CNTN6: variants seen among roughly 807,000 people sequenced by gnomAD.
The protein encoded by CNTN6 is contactin-6.
In CNTN6, 137 loss-of-function variants were observed where a neutral mutation model predicts 122.8. The observed-to-expected ratio is 1.12, with a 90% CI of 0.97 to 1.29. CNTN6 has a LOEUF of 1.29. Ranked by LOEUF, CNTN6 falls within the 50% of genes most tolerant of loss-of-function variation. The pLI, the probability that CNTN6 is intolerant of heterozygous loss-of-function variation, is 0.00. For synonymous variants in CNTN6, 570 were observed against 426.0 expected (o/e 1.34, Z -4.16); for missense variants, 1,634 against 1,223.4 (o/e 1.34, Z -5.01).
chr3:1,403,628 G>A lies in CNTN6; in HGVS notation c.*210G>A. On this transcript the variant is annotated 3_prime_UTR_variant, in exon 23 of 23. Coordinates refer to ENST00000446702, the MANE Select transcript of CNTN6 (RefSeq NM_001289080.2). ...TTTTAAAATCCGCACATGATTACAT[G>A]AATTCCTAGGTGCCACATTAACCTG... 1 of 343,534 alleles carries A rather than the reference G, an allele frequency of 2.9e-6. No individual in the cohort carries two copies. The highest frequency in any genetic ancestry group is 7.4e-5 in the South Asian group (1 of 13,568). The allele number at this position is 343,534 out of a possible 1,614,324, so 21.3% of individuals were successfully genotyped here.
chr3:1,377,034 G>T lies in CNTN6; in HGVS notation c.2125G>T (p.Gly709Ter). 1 of 1,606,700 alleles carries T rather than the reference G, an allele frequency of 6.2e-7. No individual in the cohort carries two copies. Among genetic ancestry groups the T allele is most frequent in the Non-Finnish European group, 8.5e-7 (1 of 1,176,116 alleles). Residue 709 changes from glycine (G) to a stop codon, truncating the protein, a stop_gained, in exon 17 of 23, where the codon GGA becomes TGA. Transcript: ENST00000446702. LOFTEE classifies it high-confidence loss of function. ...TGTTGTGGCACCAGTAAACATCCAT[G>T]GAGGTGGAGGAAGTCGGTCTGAACT... ...VPVVAPVNIH[G>*]GGGSRSELVI...
At chr3:1,238,378 A>G (rs1017474091) in intron 4 of CNTN6, among the ~76,000 whole-genome samples, 3 of 152,206 alleles carry the variant, frequency 2.0e-5, no homozygotes, top group Admixed American at 6.5e-5. Context: ...GATTAGTCCA[A>G]CAGGAAAATA....
Position 1,272,499 on chromosome 3 carries a change from T to C in CNTN6, c.359-5914T>C, listed in dbSNP as rs534295898. ...AAGAACAAAGAAAAAATTTAAAACA[T>C]TGCAATGAAATAATTCATACATAGT... On this transcript the variant is annotated intron_variant, in intron 4 of 22. Coordinates refer to ENST00000446702, the MANE Select transcript of CNTN6 (RefSeq NM_001289080.2). Among the ~76,000 whole-genome samples, 16 of 152,136 alleles carry C rather than the reference T, an allele frequency of 1.1e-4. No homozygotes were observed. The South Asian group carries it at 3.1e-3, about 30-fold the overall frequency.
chr3:1,127,549 A>C (rs1279589697), intron 1 of CNTN6, among the ~76,000 whole-genome samples: 1 of 151,952 alleles, frequency 6.6e-6, no homozygotes, highest in African/African-American at 2.4e-5. Flanking sequence ...GCCGTAAATG[A>C]TAACACTAGC....
Position 1,403,355 on chromosome 3 carries a change from CA to C in CNTN6, c.3025del (p.Thr1009ProfsTer9), listed in dbSNP as rs767687296. On this transcript the variant is annotated frameshift_variant, in exon 23 of 23. Coordinates refer to ENST00000446702, the MANE Select transcript of CNTN6 (RefSeq NM_001289080.2). LOFTEE classifies it high-confidence loss of function. ...GAGGAATTCAATTCTTAGAACCTAG[CA>C]CCCATTTTCTTTCCATTGTCATTGT... ...SRGIQFLEPS[T>X]HFLSIVIVIF... is the part of the protein sequence containing the mutation. The C allele has an allele frequency of 3.7e-6, 6 of 1,611,084 alleles. No homozygotes were observed. The highest frequency in any genetic ancestry group is 5.1e-6 in the Non-Finnish European group (6 of 1,178,444).
At chr3:1,109,188 C>T (rs1273621723) in intron 1 of CNTN6, among the ~76,000 whole-genome samples, 1 of 152,020 alleles carries the variant, frequency 6.6e-6, no homozygotes, top group African/African-American at 2.4e-5. Flanking sequence ...CCGATGAGCA[C>T]TGGGGCTCTA....
intron 4 of CNTN6, among the ~76,000 whole-genome samples, chr3:1,246,118 C>A (rs567514403): frequency 3.6e-4 from 54 of 152,040 alleles, no homozygotes; most frequent in Non-Finnish European, 6.8e-4. Flanking sequence ...GCAGATAGAT[C>A]AATGAAGTAT....
At position 1,227,952 on chromosome 3, in the gene CNTN6, T is replaced by G; in HGVS notation, c.317T>G (p.Leu106Arg). 6.2e-7 allele frequency: 1 copy of G among 1,614,052 alleles called. No homozygotes were observed. Among genetic ancestry groups the G allele is most frequent in the Non-Finnish European group, 8.5e-7 (1 of 1,179,958 alleles). ...GMYQCLATNL[L>R]GTILSRKAKL... Reference sequence around the variant, plus strand: ...TACCAGTGCCTGGCCACCAATCTTCTGGGGACAATTCTGAGTCGGAAGGCA... The same window carrying G: ...TACCAGTGCCTGGCCACCAATCTTCGGGGGACAATTCTGAGTCGGAAGGCA... Residue 106 changes from leucine (L) to arginine (R), a missense_variant, in exon 4 of 23, where the codon CTG becomes CGG. By Grantham distance (102) the Leu-to-Arg change is moderately radical. Transcript: ENST00000446702.
rs1023915544 is a variant in CNTN6, at chr3:1,222,125, T to C, written c.182+1312T>C. Among the ~76,000 whole-genome samples, 9 of 152,330 alleles carry C rather than the reference T, an allele frequency of 5.9e-5. 1 individual carries two copies. In the South Asian group the frequency reaches 1.4e-3, roughly 25 times the overall value. On this transcript the variant is annotated intron_variant, in intron 3 of 22. Coordinates refer to ENST00000446702, the MANE Select transcript of CNTN6 (RefSeq NM_001289080.2). ...ACAACAAAGGAGCTGAAAAACCATGTCTTCTCATTCCACAGACTAAAGCTT... is the reference window on the plus strand; with the variant it reads ...ACAACAAAGGAGCTGAAAAACCATGCCTTCTCATTCCACAGACTAAAGCTT...
chr3:1,340,861 AATC>A (rs1251381020), intron 11 of CNTN6, among the ~76,000 whole-genome samples: 1 of 152,072 alleles, frequency 6.6e-6, no homozygotes, highest in East Asian at 1.9e-4. Context: ...AAGGGTTAAT[AATC>A]ATTAGCGTTC....
chr3:1,250,539 CATCTCTGCTTTTACG>C, intron 4 of CNTN6, among the ~76,000 whole-genome samples: 1 of 152,120 alleles, frequency 6.6e-6, no homozygotes, highest in Admixed American at 6.5e-5. Context: ...TTGACATCAC[CATCTCTGCTTTTACG>C]AGGTCTTGAC....
At chr3:1,112,635 A>G (rs2091533458) in intron 1 of CNTN6, among the ~76,000 whole-genome samples, 2 of 152,136 alleles carry the variant, frequency 1.3e-5, no homozygotes. Flanking sequence ...TCTTCCCCTT[A>G]GTTCACTCAG....
At chr3:1,353,002 A>G (rs1485262657) in intron 12 of CNTN6, among the ~76,000 whole-genome samples, 1 of 151,752 alleles carries the variant, frequency 6.6e-6, no homozygotes, top group Non-Finnish European at 1.5e-5. Context: ...AACTCATACA[A>G]TTTATAGAGA....
intron 1 of CNTN6, among the ~76,000 whole-genome samples, chr3:1,102,062 A>G (rs1488780292): frequency 6.6e-6 from 1 of 152,186 alleles, no homozygotes; most frequent in Non-Finnish European, 1.5e-5. Context: ...AGGAGAGATC[A>G]AATAAGATAT....
chr3:1,339,237 C>G (rs544616554), intron 11 of CNTN6, among the ~76,000 whole-genome samples: 27 of 152,022 alleles, frequency 1.8e-4, no homozygotes, highest in Non-Finnish European at 2.9e-4. Context: ...CACTCAATGC[C>G]CTCCTCAATC....
At chr3:1,315,607 T>C (rs546990170) in intron 7 of CNTN6, among the ~76,000 whole-genome samples, 1 of 152,132 alleles carries the variant, frequency 6.6e-6, no homozygotes, top group African/African-American at 2.4e-5. Context: ...TTAATGATTA[T>C]TAATATTATT....
chr3:1,098,444 A>G (rs182875807), intron 1 of CNTN6, among the ~76,000 whole-genome samples: 15 of 152,020 alleles, frequency 9.9e-5, no homozygotes, highest in African/African-American at 3.6e-4. Context: ...CAAGTAATGT[A>G]TGCACCTGGA....
chr3:1,335,156 G>C (rs1702862374), intron 11 of CNTN6, among the ~76,000 whole-genome samples: 1 of 152,098 alleles, frequency 6.6e-6, no homozygotes, highest in Admixed American at 6.6e-5. Context: ...TTCTCAGCTG[G>C]TTCATTTCAG....
rs532282828 is a variant in CNTN6, at chr3:1,348,157, C to CAAAAAAAA, written c.1365-4155_1365-4148dup. Among the ~76,000 whole-genome samples, 316 of 64,258 alleles carry CAAAAAAAA rather than the reference C, an allele frequency of 4.9e-3. 17 individuals are homozygous for CAAAAAAAA. The highest frequency in any genetic ancestry group is 7.2e-3 in the Non-Finnish European group (257 of 35,490). The allele number at this position is 64,258 out of a possible 152,430, so 42.2% of individuals were successfully genotyped here. On this transcript the variant is annotated intron_variant, in intron 11 of 22. Coordinates refer to ENST00000446702, the MANE Select transcript of CNTN6 (RefSeq NM_001289080.2). ...AATATTAGTATTTCTATGCTATAGA[C>CAAAAAAAA]AAAAAAAAAAAAAAAAAAAGGACTT...
Sources: allele counts gnomAD v4.1 joint callset (sites outside exome capture counted in the v4.1 genomes callset), GRCh38; gene constraint gnomAD v4.1.1; transcripts MANE v1.5; gene names NCBI Gene and HGNC (gene_info 2026-07-23, HGNC 2026-07-21).